The following BAZ2B variants were observed in gnomAD, a reference collection of about 807,000 sequenced individuals.
BAZ2B encodes the protein bromodomain adjacent to zinc finger domain protein 2B.
Under a neutral mutation model 246.0 loss-of-function variants are expected in BAZ2B, and 91 were observed. That is an observed-to-expected ratio of 0.37 (90% CI 0.31 to 0.44). The LOEUF (loss-of-function observed/expected upper bound fraction) is 0.44, where lower values mean the gene tolerates loss of function less well. Among genes scored for constraint, BAZ2B ranks in the 20% least tolerant of loss-of-function variants. BAZ2B has a pLI of 1.00. For missense variants in BAZ2B, 2,332 were observed against 2,533.7 expected (o/e 0.92, Z 1.71); for synonymous variants, 855 against 860.0 (o/e 0.99, Z 0.10).
intron 2 of BAZ2B, among the ~76,000 whole-genome samples, chr2:159,532,289 T>A (rs1431015669): frequency 6.6e-6 from 1 of 152,128 alleles, no homozygotes; most frequent in Non-Finnish European, 1.5e-5. Context: ...CCAAGAACTA[T>A]TAAAAACACT....
chr2:159,463,108 G>T, intron 3 of BAZ2B: 1 of 681,506 alleles, frequency 1.5e-6, no homozygotes, highest in Non-Finnish European at 2.7e-6. Context: ...TGCACGTGCT[G>T]CCCTTTCCCT....
At chr2:159,651,339 G>A in the BAZ2B span, among the ~76,000 whole-genome samples, 1 of 152,236 alleles carries the variant, frequency 6.6e-6, no homozygotes, top group African/African-American at 2.4e-5. Context: ...CTTTTTCAAG[G>A]ACCAGAACTG....
chr2:159,363,767 G>T (rs1024740842), intron 27 of BAZ2B, among the ~76,000 whole-genome samples: 39 of 152,286 alleles, frequency 2.6e-4, no homozygotes, highest in African/African-American at 8.7e-4. Context: ...GACCCACTGA[G>T]ACTGTGGAAA....
chr2:159,324,627 CA>C (rs1196642300), intron 36 of BAZ2B, among the ~76,000 whole-genome samples, 183 bp downstream of exon 36: 1 of 156 alleles, frequency 6.4e-3, no homozygotes, highest in Non-Finnish European at 0.01. Flanking sequence ...TAACCAAATA[CA>C]CACACACACA....
intron 1 of BAZ2B, among the ~76,000 whole-genome samples, chr2:159,590,871 T>C (rs1394399830): frequency 6.6e-6 from 1 of 152,202 alleles, no homozygotes; most frequent in Non-Finnish European, 1.5e-5. Context: ...AAACAGCACT[T>C]TTAAAAGGCT....
intron 1 of BAZ2B, among the ~76,000 whole-genome samples, chr2:159,578,403 T>C (rs1685875631): frequency 6.6e-6 from 1 of 152,134 alleles, no homozygotes; most frequent in Non-Finnish European, 1.5e-5. Context: ...TGGAGATCCA[T>C]AATGCAGAAC....
intron 2 of BAZ2B, among the ~76,000 whole-genome samples, chr2:159,533,597 T>C (rs1288782238): frequency 6.6e-6 from 1 of 152,092 alleles, no homozygotes; most frequent in Non-Finnish European, 1.5e-5. Flanking sequence ...TTTACACATA[T>C]GAAAGGCTGA....
chr2:159,579,765 T>C (rs1289598804), intron 1 of BAZ2B, among the ~76,000 whole-genome samples: 1 of 152,162 alleles, frequency 6.6e-6, no homozygotes, highest in East Asian at 1.9e-4. Context: ...TGGTTCAACA[T>C]ACACAAATCA....
At chr2:159,486,176 A>G (rs1421823265) in intron 2 of BAZ2B, among the ~76,000 whole-genome samples, 1 of 152,122 alleles carries the variant, frequency 6.6e-6, no homozygotes, top group Non-Finnish European at 1.5e-5. Flanking sequence ...AACGAAGGTT[A>G]GAAAGATAAA....
At chr2:159,641,137 A>T in the BAZ2B span, among the ~76,000 whole-genome samples, 1 of 152,216 alleles carries the variant, frequency 6.6e-6, no homozygotes, top group African/African-American at 2.4e-5. Context: ...GAAATGATTT[A>T]TAGCCACACT....
chr2:159,630,241 T>A, the BAZ2B span, among the ~76,000 whole-genome samples: 1 of 152,226 alleles, frequency 6.6e-6, no homozygotes, highest in Non-Finnish European at 1.5e-5. Flanking sequence ...GAGGATTGCT[T>A]GAGCCCAGGA....
chr2:159,317,739 G>A (rs1234905506), downstream of BAZ2B, among the ~76,000 whole-genome samples: 1 of 149,836 alleles, frequency 6.7e-6, no homozygotes, highest in Admixed American at 6.6e-5. Flanking sequence ...TGTGACAGCA[G>A]AGAGAGTTAG....
chr2:159,449,183 T>C (rs1223941946), intron 4 of BAZ2B, among the ~76,000 whole-genome samples: 1 of 152,168 alleles, frequency 6.6e-6, no homozygotes, highest in Non-Finnish European at 1.5e-5. Context: ...ACTTAAATAG[T>C]GTCTCTTAAA....
chr2:159,649,123 G>A, the BAZ2B span, among the ~76,000 whole-genome samples: 1 of 151,902 alleles, frequency 6.6e-6, no homozygotes, highest in Non-Finnish European at 1.5e-5. Flanking sequence ...ATATTTTTTG[G>A]TGAAATGTCT....
intron 2 of BAZ2B, among the ~76,000 whole-genome samples, chr2:159,507,052 C>A (rs1303658471): frequency 6.6e-6 from 1 of 152,104 alleles, no homozygotes; most frequent in East Asian, 1.9e-4. Flanking sequence ...GGTACTTCTA[C>A]TAAGTTATCT....
At chr2:159,452,171 A>T (rs2075181785) in intron 4 of BAZ2B, among the ~76,000 whole-genome samples, 2 of 151,314 alleles carry the variant, frequency 1.3e-5, no homozygotes, top group Admixed American at 1.3e-4. Context: ...TGAATTAAAG[A>T]AGTAATATGA....
chr2:159,509,327 C>T (rs2082662639), intron 2 of BAZ2B, among the ~76,000 whole-genome samples: 1 of 152,102 alleles, frequency 6.6e-6, no homozygotes, highest in African/African-American at 2.4e-5. Context: ...CCTTTTATAA[C>T]ATTGTTCCTA....
At chr2:159,450,976 C>T (rs2075012294) in intron 4 of BAZ2B, among the ~76,000 whole-genome samples, 1 of 151,912 alleles carries the variant, frequency 6.6e-6, no homozygotes, top group East Asian at 1.9e-4. Context: ...CCTGCCTCGG[C>T]CTCCCAAAAT....
the BAZ2B span, among the ~76,000 whole-genome samples, chr2:159,690,657 A>G: frequency 6.6e-6 from 1 of 152,108 alleles, no homozygotes; most frequent in Non-Finnish European, 1.5e-5. Flanking sequence ...CCAGACTGTA[A>G]ATATTTCATT....
Sources: gnomAD v4.1 joint callset for allele counts (sites outside exome capture counted in the v4.1 genomes callset) on GRCh38, gnomAD v4.1.1 for gene constraint, MANE v1.5 for transcripts, NCBI Gene and HGNC (gene_info 2026-07-23, HGNC 2026-07-21) for gene names.